UPF2: variants seen among roughly 807,000 people sequenced by gnomAD.
UPF2 encodes UPF2 regulator of nonsense mediated mRNA decay.
UPF2 carries 17 observed loss-of-function variants against 141.4 expected under a neutral mutation model. That is an observed-to-expected ratio of 0.12 (90% CI 0.08 to 0.18). The LOEUF (loss-of-function observed/expected upper bound fraction) is 0.18. Among genes scored for constraint, UPF2 ranks in the 10% least tolerant of loss-of-function variants. The probability of loss-of-function intolerance (pLI) is 1.00; values close to 1 mark genes in which losing one functional copy is unlikely to be tolerated. For missense variants in UPF2, 1,152 were observed against 1,515.9 expected (o/e 0.76, Z 3.99); for synonymous variants, 540 against 498.0 (o/e 1.08, Z -1.12).
rs146499221 is a variant in UPF2 at position 11,966,807 on chromosome 10, C to T, written c.2067+534G>A. 2.2e-3 allele frequency among the ~76,000 whole-genome samples: 328 copies of T among 152,294 alleles called. 2 individuals are homozygous for T. Among genetic ancestry groups the T allele is most frequent in the African/African-American group, 7.2e-3 (298 of 41,554 alleles). On this transcript the variant is annotated intron_variant, in intron 10 of 21. Coordinates refer to ENST00000357604, the MANE Select transcript of UPF2 (RefSeq NM_015542.4). ...ACCCCTTGGAAGACTGTGAACTCAC[C>T]GGTAGCCAACTGAGAAAAAATTTCT...
chr10:11,958,502 G>A (rs1382958919), intron 12 of UPF2, among the ~76,000 whole-genome samples: 2 of 152,208 alleles, frequency 1.3e-5, no homozygotes, highest in African/African-American at 4.8e-5. Flanking sequence ...GCCTCTGACT[G>A]AGGAAGCTGG....
At chr10:11,986,195 T>C (rs1833689622) in intron 8 of UPF2, among the ~76,000 whole-genome samples, 1 of 152,166 alleles carries the variant, frequency 6.6e-6, no homozygotes, top group South Asian at 2.1e-4. Context: ...AGATCCTTCC[T>C]TTGAAAACGG....
chr10:12,015,726 C>T (rs527799468), intron 3 of UPF2, among the ~76,000 whole-genome samples: 28 of 152,130 alleles, frequency 1.8e-4, no homozygotes, highest in Non-Finnish European at 4.0e-4. Flanking sequence ...TAAATAAATA[C>T]TATAACAATT....
At position 11,979,430 on chromosome 10, in the gene UPF2, CACCA is replaced by C. The variant is rs1833557355; in HGVS notation, c.1845-269_1845-266del. Among the ~76,000 whole-genome samples, 1 of 152,164 alleles carries C rather than the reference CACCA, an allele frequency of 6.6e-6. No individual in the cohort carries two copies. Among genetic ancestry groups the C allele is most frequent in the South Asian group, 2.1e-4 (1 of 4,830 alleles). ...TATGTAATTTTGATGAAATATGAAACACCACACACAAAAAAACAGTATGTTTTGA... is the reference window on the plus strand; with the variant it reads ...TATGTAATTTTGATGAAATATGAAACCACACAAAAAAACAGTATGTTTTGA... On this transcript the variant is annotated intron_variant, in intron 8 of 21. Transcript: ENST00000357604. This position sits in a 1 kb window ranked among gnomAD's most constrained non-coding sequence, Gnocchi z 6.2.
chr10:11,974,018 C>CACA (rs1833463518), intron 9 of UPF2, among the ~76,000 whole-genome samples: 1 of 152,190 alleles, frequency 6.6e-6, no homozygotes, highest in African/African-American at 2.4e-5. Flanking sequence ...TATCCGTGAG[C>CACA]ATGGAATGTT....
At chr10:11,947,819 A>G (rs976010032) in intron 16 of UPF2, among the ~76,000 whole-genome samples, 3 of 148,840 alleles carry the variant, frequency 2.0e-5, no homozygotes, top group Admixed American at 6.7e-5. Flanking sequence ...AGACATGTGG[A>G]GATCAATTTT....
intron 4 of UPF2, among the ~76,000 whole-genome samples, chr10:12,011,197 T>C (rs957449702): frequency 3.9e-5 from 6 of 152,204 alleles, no homozygotes; most frequent in Non-Finnish European, 5.9e-5. Context: ...CTCGCTATGT[T>C]ACCCAGGCTA....
At chr10:11,965,538 C>G (rs922287385) in intron 10 of UPF2, among the ~76,000 whole-genome samples, 1 of 152,144 alleles carries the variant, frequency 6.6e-6, no homozygotes, top group Non-Finnish European at 1.5e-5. Context: ...CGGCTCACTG[C>G]GAGCTCCACC....
At chr10:11,978,957 C>T in intron 9 of UPF2, 100 bp downstream of exon 9, 1 of 1,001,086 alleles carries the variant, frequency 1.0e-6, no homozygotes, top group Non-Finnish European at 1.5e-6. Context: ...ATACCACTAT[C>T]AAATTTCAAG....
chr10:12,033,299 G>C (rs1830022733), intron 2 of UPF2, among the ~76,000 whole-genome samples: 1 of 152,078 alleles, frequency 6.6e-6, no homozygotes, highest in Middle Eastern at 3.2e-3. Flanking sequence ...ACTTTGGGAG[G>C]CTGAGGCAGG....
intron 16 of UPF2, among the ~76,000 whole-genome samples, chr10:11,943,639 T>C (rs111682948): frequency 1.1e-4 from 17 of 152,184 alleles, no homozygotes; most frequent in Non-Finnish European, 2.2e-4. Context: ...TACACTTCAT[T>C]TTGTTTGCTC....
At chr10:12,024,626 T>A (rs567248722) in intron 3 of UPF2, among the ~76,000 whole-genome samples, 68 of 150,720 alleles carry the variant, frequency 4.5e-4, no homozygotes, top group African/African-American at 1.3e-3. Flanking sequence ...TTAATTAATT[T>A]ATTTATTAAT....
chr10:12,000,756 T>C (rs941500408), intron 6 of UPF2, among the ~76,000 whole-genome samples: 4 of 152,104 alleles, frequency 2.6e-5, no homozygotes, highest in African/African-American at 9.7e-5. Flanking sequence ...CAGTCAATTA[T>C]GATCATGCCA....
At chr10:11,960,013 G>C (rs934406758) in intron 11 of UPF2, among the ~76,000 whole-genome samples, 4 of 152,114 alleles carry the variant, frequency 2.6e-5, no homozygotes, top group Non-Finnish European at 4.4e-5. Context: ...AACAAATACA[G>C]ATCTAGTCAC....
chr10:11,924,617 A>G (rs991599325), intron 21 of UPF2, among the ~76,000 whole-genome samples: 3 of 150,808 alleles, frequency 2.0e-5, no homozygotes, highest in African/African-American at 7.3e-5. Context: ...TTTTTTTTTG[A>G]GACAGGGTCT....
Position 11,939,935 on chromosome 10 carries a change from C to G in UPF2, c.3378+2730G>C, listed in dbSNP as rs1193378832. ...AATTCATTCTGCATTGATCTCCCTG[C>G]TCTTCTCTTTCCCTTGGAAAAACAA... On this transcript the variant is annotated intron_variant, in intron 18 of 21. Coordinates refer to ENST00000357604, the MANE Select transcript of UPF2 (RefSeq NM_015542.4). The surrounding 1 kb of genome is among the most constrained non-coding windows in gnomAD (Gnocchi z 4.8). Among the ~76,000 whole-genome samples, 2 of 152,280 alleles carry G rather than the reference C, an allele frequency of 1.3e-5. No individual in the cohort carries two copies. Among genetic ancestry groups the G allele is most frequent in the Admixed American group, 6.5e-5 (1 of 15,302 alleles).
intron 4 of UPF2, among the ~76,000 whole-genome samples, chr10:12,012,659 C>T (rs187953362): frequency 3.1e-3 from 472 of 151,766 alleles, no homozygotes; most frequent in African/African-American, 0.011. Context: ...CTTAGGTGGG[C>T]GTGGTGGTGG....
Position 12,014,265 on chromosome 10 carries a change from A to C in UPF2, c.1146-81T>G. The stretch of plus-strand genomic sequence containing the variant: ...TGTTATATATGGGAAACATTCCATA[A>C]TTTGATTTTCTCATACAAATTTAGT... On this transcript the variant is annotated intron_variant, in intron 3 of 21. Transcript: ENST00000357604. The surrounding 1 kb of genome is among the most constrained non-coding windows in gnomAD (Gnocchi z 5.0). The C allele has an allele frequency of 8.0e-7, 1 of 1,250,470 alleles. No homozygotes were observed. The highest frequency in any genetic ancestry group is 3.4e-5 in the South Asian group (1 of 29,702). 77.5% of individuals were successfully genotyped at this position (1,250,470 alleles called of 1,614,324 possible). A position where few individuals can be genotyped will look rare whatever the true frequency, so the allele number is the denominator to read the frequency against.
In UPF2 at chr10:12,001,829, T is replaced by C. The variant is rs1363632308; in HGVS notation, c.1505-4A>G. ...TTCTCCTTAGATTCTTTTGCCTCTG[T>C]TGAAAAACAAACAAGTATACCTAAA... On this transcript the variant is annotated splice_polypyrimidine_tract_variant and splice_region_variant and intron_variant, in intron 5 of 21. Transcript: ENST00000357604. 1.3e-6 allele frequency: 2 copies of C among 1,582,554 alleles called. No individual in the cohort carries two copies. Among genetic ancestry groups the C allele is most frequent in the South Asian group, 2.4e-5 (2 of 84,854 alleles).
Sources: gnomAD v4.1 joint callset for allele counts (sites outside exome capture counted in the v4.1 genomes callset) on GRCh38, gnomAD v4.1.1 for gene constraint, Gnocchi (gnomAD v3.1) non-coding constraint, MANE v1.5 for transcripts, NCBI Gene and HGNC (gene_info 2026-07-23, HGNC 2026-07-21) for gene names.